PAX1: variants seen among roughly 807,000 people sequenced by gnomAD.
PAX1 encodes paired box 1.
PAX1 carries 18 observed loss-of-function variants against 35.6 expected under a neutral mutation model. The ratio of observed to expected loss-of-function variants is 0.50; its 90% CI spans 0.35 to 0.75. The LOEUF (loss-of-function observed/expected upper bound fraction) is 0.75. Ranked by LOEUF, PAX1 falls within the 30% of genes least tolerant of loss-of-function variation. The pLI, the probability that PAX1 is intolerant of heterozygous loss-of-function variation, is 0.01. For missense variants in PAX1, 760 were observed against 661.5 expected (o/e 1.15, Z -1.63); for synonymous variants, 397 against 305.2 (o/e 1.30, Z -3.14).
rs777905428 is a variant in PAX1, at chr20:21,709,311, C to T, written c.1149C>T (p.Gly383=). The T allele has an allele frequency of 6.2e-7, 1 of 1,601,330 alleles. No homozygotes were observed. The highest frequency in any genetic ancestry group is 1.1e-5 in the South Asian group (1 of 90,958). ...AGCACGGCGTGTACAGCGCCCCGGGCGGCGGCTACCTCGCCCCGGGCCCGC... is the reference window on the plus strand; with the variant it reads ...AGCACGGCGTGTACAGCGCCCCGGGTGGCGGCTACCTCGCCCCGGGCCCGC... The part of the protein sequence containing the change: ...SNQHGVYSAP[G]GGYLAPGPPW... The change falls in exon 4 of 5, where the codon GGC becomes GGT. Residue 383 remains glycine, a synonymous_variant. Transcript: ENST00000613128.
rs17861041 is a variant in PAX1, at chr20:21,712,097, C to T, written c.1283-2374C>T. ...TACCTTTGATCACCTAACACATACA[C>T]ACCACACACGCACAGTGCAATATAT... On this transcript the variant is annotated intron_variant, in intron 4 of 4. Transcript: ENST00000613128. Among the ~76,000 whole-genome samples the T allele has an allele frequency of 4.0e-3, 608 of 152,292 alleles. 3 individuals carry two copies. The highest frequency in any genetic ancestry group is 0.013 in the African/African-American group (552 of 41,556).
chr20:21,716,011 A>C lies in PAX1; in HGVS notation c.*1449A>C, dbSNP rs904929744. 3 of 152,272 alleles carry C rather than the reference A, an allele frequency of 2.0e-5. No individual in the cohort carries two copies. Among genetic ancestry groups the C allele is most frequent in the African/African-American group, 7.2e-5 (3 of 41,456 alleles). 9.4% of individuals were successfully genotyped at this position (152,272 alleles called of 1,614,324 possible). ...GGTGAGGTGAGCAAGTCTGTTTCTG[A>C]GCGCAGAGTGTTGAGTTCTTACTCC... On this transcript the variant is annotated 3_prime_UTR_variant, in exon 5 of 5. Coordinates refer to ENST00000613128, the MANE Select transcript of PAX1 (RefSeq NM_001257096.2).
Position 21,708,755 on chromosome 20 carries a change from G to T in PAX1, c.1059+55G>T, listed in dbSNP as rs1273565691. On this transcript the variant is annotated intron_variant, in intron 3 of 4. Transcript: ENST00000613128. The stretch of plus-strand genomic sequence containing the variant: ...TTAAGTAGGGAAGCAGAAGGTTTGG[G>T]CAAGTGGGGAAAAAGAGAGAGAAAG... 4 of 1,579,278 alleles carry T rather than the reference G, an allele frequency of 2.5e-6. No homozygotes were observed. In the African/African-American group the frequency reaches 5.4e-5, roughly 21 times the overall value.
rs916618940 is a variant in PAX1, at chr20:21,717,389, C to T, written c.*2827C>T. On this transcript the variant is annotated 3_prime_UTR_variant, in exon 5 of 5. Transcript: ENST00000613128. ...TGAAATGTAGCCTTCAATGCAGTAA[C>T]GCGCACGGTGACCTGGCCTGTAGGA... The T allele has an allele frequency of 3.3e-5, 5 of 152,296 alleles. No homozygotes were observed. The highest frequency in any genetic ancestry group is 1.9e-4 in the East Asian group (1 of 5,194). The allele number at this position is 152,296 out of a possible 1,614,324, so 9.4% of individuals were successfully genotyped here.
At chr20:21,710,039 C>CTTTA (rs1337689443) in intron 4 of PAX1, among the ~76,000 whole-genome samples, 1 of 130,438 alleles carries the variant, frequency 7.7e-6, no homozygotes, top group Non-Finnish European at 1.5e-5. Flanking sequence ...AATCAGTGTC[C>CTTTA]TTTACTCCAG....
In PAX1 at chr20:21,715,316, G is replaced by C. The variant is rs1261748537; in HGVS notation, c.*754G>C. On this transcript the variant is annotated 3_prime_UTR_variant, in exon 5 of 5. Transcript: ENST00000613128. ...TGAGCCCACCAGCCCTAATGGAGGGGGGCTCAAACCTAGGAAGTGGACAGA... is the reference window on the plus strand; with the variant it reads ...TGAGCCCACCAGCCCTAATGGAGGGCGGCTCAAACCTAGGAAGTGGACAGA... The C allele has an allele frequency of 6.3e-6, 1 of 159,042 alleles. No homozygotes were observed. The highest frequency in any genetic ancestry group is 6.2e-5 in the Admixed American group (1 of 16,168). 9.9% of individuals were successfully genotyped at this position (159,042 alleles called of 1,614,324 possible).
rs1234438472 is a variant in PAX1, at chr20:21,706,967, G to T, written c.816G>T (p.Gly272=). 5 of 1,612,600 alleles carry T rather than the reference G, an allele frequency of 3.1e-6. No homozygotes were observed. Among genetic ancestry groups the T allele is most frequent in the South Asian group, 2.2e-5 (2 of 91,050 alleles). Residue 272 remains glycine, a synonymous_variant, in exon 2 of 5, where the codon GGG becomes GGT. Coordinates refer to ENST00000613128, the MANE Select transcript of PAX1 (RefSeq NM_001257096.2). This position sits in a 1 kb window ranked among gnomAD's most constrained non-coding sequence, Gnocchi z 5.3. ...GCGCCAAGATGGGCAGCCACCCCGG[G>T]GTCCCGGGCACGGCGGGCCACGTCA... The part of the protein sequence containing the change: ...PTGAKMGSHP[G]VPGTAGHVSI...
Position 21,709,389 on chromosome 20 carries a change from T to A in PAX1, c.1227T>A (p.Ala409=), listed in dbSNP as rs1985125869. The change falls in exon 4 of 5, where the codon GCT becomes GCA. Residue 409 remains alanine (A), a synonymous_variant. Transcript: ENST00000613128. ...TGGCGCCCCCCGGGGCCGGCGTAGC[T>A]GTGCATGGCGGGGAACTCGCGGCAG... ...PPLAPPGAGV[A]VHGGELAAAM... is the part of the protein sequence containing the mutation. The A allele has an allele frequency of 1.3e-6, 2 of 1,555,946 alleles. No individual in the cohort carries two copies. The highest frequency in any genetic ancestry group is 2.7e-5 in the African/African-American group (2 of 73,932).
chr20:21,713,692 G>C (rs1013867130), intron 4 of PAX1, among the ~76,000 whole-genome samples: 3 of 152,172 alleles, frequency 2.0e-5, no homozygotes, highest in Non-Finnish European at 4.4e-5. Flanking sequence ...TCACTTTCTG[G>C]CTTCCGGTGG....
chr20:21,709,304 C>G lies in PAX1; in HGVS notation c.1142C>G (p.Ala381Gly). The G allele has an allele frequency of 6.2e-7, 1 of 1,602,244 alleles. No homozygotes were observed. The highest frequency in any genetic ancestry group is 1.3e-5 in the African/African-American group (1 of 74,964). The change falls in exon 4 of 5, where the codon GCC becomes GGC. Residue 381 changes from alanine (A) to glycine (G), a missense_variant. Coordinates refer to ENST00000613128, the MANE Select transcript of PAX1 (RefSeq NM_001257096.2). Reference protein sequence around the residue: ...PASNQHGVYSAPGGGYLAPGP... With the variant: ...PASNQHGVYSGPGGGYLAPGP... Reference sequence around the variant, plus strand: ...TCCAACCAGCACGGCGTGTACAGCGCCCCGGGCGGCGGCTACCTCGCCCCG... The same window carrying G: ...TCCAACCAGCACGGCGTGTACAGCGGCCCGGGCGGCGGCTACCTCGCCCCG...
At position 21,718,259 on chromosome 20, in the gene PAX1, A is replaced by T. The variant is rs557478165; in HGVS notation, c.*3697A>T. 1 of 152,272 alleles carries T rather than the reference A, an allele frequency of 6.6e-6. No homozygotes were observed. Among genetic ancestry groups the T allele is most frequent in the African/African-American group, 2.4e-5 (1 of 41,546 alleles). 9.4% of individuals were successfully genotyped at this position (152,272 alleles called of 1,614,324 possible). A position where few individuals can be genotyped will look rare whatever the true frequency, so the allele number is the denominator to read the frequency against. ...AGAAGTAAGGAAAACAAACCAAAGG[A>T]AAGGAGGATTGAGGGGCAAGAGGCA... is the stretch of plus-strand genomic sequence containing the variant. On this transcript the variant is annotated 3_prime_UTR_variant, in exon 5 of 5. Coordinates refer to ENST00000613128, the MANE Select transcript of PAX1 (RefSeq NM_001257096.2).
Position 21,706,001 on chromosome 20 carries a change from A to G in PAX1, c.286+3A>G. The G allele has an allele frequency of 2.0e-6, 3 of 1,474,638 alleles. No individual in the cohort carries two copies. The highest frequency in any genetic ancestry group is 2.7e-6 in the Non-Finnish European group (3 of 1,121,132). 91.3% of individuals were successfully genotyped at this position (1,474,638 alleles called of 1,614,324 possible). On this transcript the variant is annotated splice_donor_region_variant and intron_variant, in intron 1 of 4. Transcript: ENST00000613128. This position sits in a 1 kb window ranked among gnomAD's most constrained non-coding sequence, Gnocchi z 5.3. ...GCTGGCCGGCCCGCTCGCTATGGGT[A>G]AGGGGCGGGCGACAGGCAGGGCTCG...
chr20:21,706,377 T>C lies in PAX1; in HGVS notation c.287-61T>C. 1 of 1,602,392 alleles carries C rather than the reference T, an allele frequency of 6.2e-7. No individual in the cohort carries two copies. The highest frequency in any genetic ancestry group is 8.5e-7 in the Non-Finnish European group (1 of 1,177,846). On this transcript the variant is annotated intron_variant, in intron 1 of 4. Coordinates refer to ENST00000613128, the MANE Select transcript of PAX1 (RefSeq NM_001257096.2). This position sits in a 1 kb window ranked among gnomAD's most constrained non-coding sequence, Gnocchi z 5.3. ...AGTCCCTCGCTCCGCGTGGGGACCCTTGGCTAACCCGCCGGGTGTTTTCTC... is the reference window on the plus strand; with the variant it reads ...AGTCCCTCGCTCCGCGTGGGGACCCCTGGCTAACCCGCCGGGTGTTTTCTC...
Position 21,715,759 on chromosome 20 carries a change from TA to T in PAX1, c.*1205del, listed in dbSNP as rs921976611. The T allele has an allele frequency of 2.0e-5, 3 of 152,046 alleles. No homozygotes were observed. The highest frequency in any genetic ancestry group is 1.9e-4 in the East Asian group (1 of 5,170). The allele number at this position is 152,046 out of a possible 1,614,324, so 9.4% of individuals were successfully genotyped here. A position where few individuals can be genotyped will look rare whatever the true frequency, so the allele number is the denominator to read the frequency against. On this transcript the variant is annotated 3_prime_UTR_variant, in exon 5 of 5. Transcript: ENST00000613128. ...CTTCTGGTTTGCAAGGGATGAGGGTTAAAAAAAACAAAACAAAACAAACAAC... is the reference window on the plus strand; with the variant it reads ...CTTCTGGTTTGCAAGGGATGAGGGTTAAAAAAACAAAACAAAACAAACAAC...
chr20:21,716,508 T>G lies in PAX1; in HGVS notation c.*1946T>G, dbSNP rs1044941209. ...TTCTCAGATTCAAAGTCTCTTGTCT[T>G]TTTTTTTTTTTTTTTTTAAAGTTTC... On this transcript the variant is annotated 3_prime_UTR_variant, in exon 5 of 5. Coordinates refer to ENST00000613128, the MANE Select transcript of PAX1 (RefSeq NM_001257096.2). The G allele has an allele frequency of 9.9e-6, 1 of 101,142 alleles. No individual in the cohort carries two copies. The highest frequency in any genetic ancestry group is 7.6e-5 in the African/African-American group (1 of 13,206). The allele number at this position is 101,142 out of a possible 1,614,324, so 6.3% of individuals were successfully genotyped here.
rs190521510 is a variant in PAX1 at position 21,710,955 on chromosome 20, T to C, written c.1282+1511T>C. ...TATAGAAAAATCCAAGTGAAGGAAATGTTAAAAGTTGAGAGTAAGAACTCC... is the reference window on the plus strand; with the variant it reads ...TATAGAAAAATCCAAGTGAAGGAAACGTTAAAAGTTGAGAGTAAGAACTCC... On this transcript the variant is annotated intron_variant, in intron 4 of 4. Transcript: ENST00000613128. Among the ~76,000 whole-genome samples, 186 of 152,256 alleles carry C rather than the reference T, an allele frequency of 1.2e-3. 2 individuals carry two copies. The highest frequency in any genetic ancestry group is 4.3e-3 in the African/African-American group (177 of 41,554).
In PAX1 at chr20:21,709,348, G is replaced by C. The variant is rs755814246; in HGVS notation, c.1186G>C (p.Ala396Pro). Reference protein sequence around the residue: ...YLAPGPPWPPAQGPPLAPPGA... With the variant: ...YLAPGPPWPPPQGPPLAPPGA... Reference sequence around the variant, plus strand: ...CGCCCCGGGCCCGCCGTGGCCGCCTGCGCAAGGTCCTCCTCTGGCGCCCCC... The same window carrying C: ...CGCCCCGGGCCCGCCGTGGCCGCCTCCGCAAGGTCCTCCTCTGGCGCCCCC... Residue 396 changes from alanine (A) to proline (P), a missense_variant, in exon 4 of 5, where the codon GCG becomes CCG. Physicochemically the swap from Ala to Pro is conservative, Grantham distance 27. This residue lies in a region of PAX1 where 490 missense variants were observed against 428.4 expected (regional missense o/e 1.14). Transcript: ENST00000613128. 6.3e-7 allele frequency: 1 copy of C among 1,597,866 alleles called. No individual in the cohort carries two copies. The highest frequency in any genetic ancestry group is 1.7e-5 in the Admixed American group (1 of 59,240).
At chr20:21,712,720 T>C (rs879800732) in intron 4 of PAX1, among the ~76,000 whole-genome samples, 8 of 152,354 alleles carry the variant, frequency 5.3e-5, no homozygotes, top group Non-Finnish European at 1.2e-4. Flanking sequence ...TGCCTCGGGA[T>C]TGGTTCTTGG....
At position 21,706,854 on chromosome 20, in the gene PAX1, G is replaced by A. The variant is rs1188314388; in HGVS notation, c.703G>A (p.Glu235Lys). The A allele has an allele frequency of 1.9e-6, 3 of 1,613,218 alleles. No homozygotes were observed. Among genetic ancestry groups the A allele is most frequent in the African/African-American group, 1.3e-5 (1 of 74,942 alleles). ...IGSLAQPGPY[E>K]ASKQPPSQPT... ...CAGCCTGGCGCAGCCCGGACCGTAC[G>A]AGGCAAGTAAGCAGCCGCCGTCGCA... Residue 235 changes from glutamate (E) to lysine (K), a missense_variant, in exon 2 of 5, where the codon GAG becomes AAG. Glu to Lys is a moderately conservative substitution (Grantham distance 56, BLOSUM62 1). This residue lies in a region of PAX1 where 490 missense variants were observed against 428.4 expected (regional missense o/e 1.14). Transcript: ENST00000613128. The surrounding 1 kb of genome is among the most constrained non-coding windows in gnomAD (Gnocchi z 5.3).
Sources: allele counts gnomAD v4.1 joint callset (sites outside exome capture counted in the v4.1 genomes callset), GRCh38; gene constraint gnomAD v4.1.1; regional missense constraint gnomAD v4.1.1; non-coding constraint Gnocchi (gnomAD v3.1); transcripts MANE v1.5; gene names NCBI Gene and HGNC (gene_info 2026-07-23, HGNC 2026-07-21).